The following SLC10A7 variants were observed in gnomAD, a reference collection of about 807,000 sequenced individuals.
The protein encoded by SLC10A7 is sodium/bile acid cotransporter 7.
A neutral mutation model predicts 43.2 loss-of-function variants in SLC10A7; 29 were observed. The observed-to-expected ratio is 0.67, with a 90% CI of 0.50 to 0.92. The LOEUF (loss-of-function observed/expected upper bound fraction) is 0.92. Ranked by LOEUF, SLC10A7 falls within the 40% of genes least tolerant of loss-of-function variation. The pLI is 0.00. For synonymous variants in SLC10A7, 152 were observed against 144.8 expected (o/e 1.05, Z -0.35); for missense variants, 295 against 403.2 (o/e 0.73, Z 2.30).
chr4:146,275,788 T>C (rs1729167926), intron 10 of SLC10A7, among the ~76,000 whole-genome samples: 2 of 152,118 alleles, frequency 1.3e-5, no homozygotes, highest in Non-Finnish European at 2.9e-5. Context: ...AAGTTTTTTT[T>C]TTTTTTTAAA....
chr4:146,470,925 A>C (rs528788632), intron 4 of SLC10A7, among the ~76,000 whole-genome samples: 1 of 152,344 alleles, frequency 6.6e-6, no homozygotes, highest in Admixed American at 6.5e-5. Flanking sequence ...CTTTACATAT[A>C]TCACTTCATG....
chr4:146,278,979 A>C lies in SLC10A7; in HGVS notation c.847+4213T>G, dbSNP rs543909284. On this transcript the variant is annotated intron_variant, in intron 10 of 11. Coordinates refer to ENST00000335472, the MANE Select transcript of SLC10A7 (RefSeq NM_001029998.6). ...ACCCATAATTAAGTACATATAAACA[A>C]TGTAAGAAATAGTTTCCTTGATTTG... 3.3e-5 allele frequency among the ~76,000 whole-genome samples: 5 copies of C among 152,310 alleles called. No individual in the cohort carries two copies. The South Asian group carries it at 1.0e-3, about 32-fold the overall frequency.
intron 5 of SLC10A7, among the ~76,000 whole-genome samples, chr4:146,374,339 A>T (rs1241200929): frequency 6.6e-6 from 1 of 152,094 alleles, no homozygotes; most frequent in African/African-American, 2.4e-5. Flanking sequence ...CTGTAATCCT[A>T]GCACTTTGGG....
chr4:146,441,517 T>G, intron 5 of SLC10A7: 1 of 241,854 alleles, frequency 4.1e-6, no homozygotes, highest in Non-Finnish European at 6.7e-6. Context: ...TGGTGCCAAA[T>G]CATGTACAAA....
intron 4 of SLC10A7, among the ~76,000 whole-genome samples, chr4:146,467,807 C>A (rs1257467628): frequency 6.6e-6 from 1 of 152,136 alleles, no homozygotes; most frequent in East Asian, 1.9e-4. Flanking sequence ...AGGTGATTCA[C>A]CTGCCTTGGC....
chr4:146,473,744 CA>C lies in SLC10A7; in HGVS notation c.396+30104del, dbSNP rs552421833. 9.9e-4 allele frequency among the ~76,000 whole-genome samples: 151 copies of C among 152,084 alleles called. 1 individual carries two copies. The highest frequency in any genetic ancestry group is 3.0e-3 in the African/African-American group (124 of 41,512). On this transcript the variant is annotated intron_variant, in intron 4 of 11. Coordinates refer to ENST00000335472, the MANE Select transcript of SLC10A7 (RefSeq NM_001029998.6). ...AAAAAATGAGTTTCTAGAAATCTTA[CA>C]TTTTTTTTACTGGTATTTTAATAAA...
chr4:146,262,173 T>G (rs1349476446), intron 10 of SLC10A7, among the ~76,000 whole-genome samples: 2 of 152,182 alleles, frequency 1.3e-5, no homozygotes, highest in African/African-American at 4.8e-5. Flanking sequence ...CCCCCACTTC[T>G]CCTCCCTGCA....
At chr4:146,304,557 G>C (rs891653386) in intron 7 of SLC10A7, among the ~76,000 whole-genome samples, 1 of 152,172 alleles carries the variant, frequency 6.6e-6, no homozygotes, top group East Asian at 1.9e-4. Flanking sequence ...TAGTTGAGCG[G>C]TTTAGAGTGA....
intron 4 of SLC10A7, among the ~76,000 whole-genome samples, chr4:146,444,087 T>C (rs1730830361): frequency 6.6e-6 from 1 of 152,158 alleles, no homozygotes; most frequent in East Asian, 1.9e-4. Flanking sequence ...ACTATAGCAA[T>C]ATATTTAACA....
chr4:146,438,692 T>A (rs1177944193), intron 5 of SLC10A7, among the ~76,000 whole-genome samples: 1 of 152,040 alleles, frequency 6.6e-6, no homozygotes, highest in African/African-American at 2.4e-5. Flanking sequence ...CCTGTAATTC[T>A]TAGAGACATG....
chr4:146,298,206 A>G (rs1730914652), intron 7 of SLC10A7, among the ~76,000 whole-genome samples: 2 of 152,232 alleles, frequency 1.3e-5, no homozygotes, highest in Non-Finnish European at 1.5e-5. Context: ...AATTAAATAA[A>G]TATAAAATGC....
At chr4:146,452,144 A>C (rs140486933) in intron 4 of SLC10A7, among the ~76,000 whole-genome samples, 167 of 152,254 alleles carry the variant, frequency 1.1e-3, no homozygotes, top group Middle Eastern at 3.4e-3. Flanking sequence ...TTTCCTCTAA[A>C]ATATGAGCTT....
intron 5 of SLC10A7, among the ~76,000 whole-genome samples, chr4:146,372,114 A>T (rs969955252): frequency 2.0e-5 from 3 of 151,878 alleles, no homozygotes; most frequent in Non-Finnish European, 2.9e-5. Flanking sequence ...AAACCTAGAG[A>T]CTCTTATTCA....
intron 6 of SLC10A7, among the ~76,000 whole-genome samples, chr4:146,317,638 C>T (rs531983407): frequency 3.9e-5 from 6 of 151,968 alleles, no homozygotes; most frequent in Non-Finnish European, 8.8e-5. Flanking sequence ...GGGCAAGTGT[C>T]ATCCAATCCA....
At chr4:146,287,105 A>AGTCTGGAGTGGTGAGAAGGACTGT (rs1730068255) in intron 9 of SLC10A7, among the ~76,000 whole-genome samples, 1 of 66,396 alleles carries the variant, frequency 1.5e-5, no homozygotes, top group Non-Finnish European at 3.0e-5. Flanking sequence ...AGAAGGACCG[A>AGTCTGGAGTGGTGAGAAGGACTGT]GTCTGGAGTG....
chr4:146,398,017 A>C (rs1738957931), intron 5 of SLC10A7, among the ~76,000 whole-genome samples: 1 of 152,238 alleles, frequency 6.6e-6, no homozygotes, highest in Non-Finnish European at 1.5e-5. Flanking sequence ...TAATGTCACA[A>C]GTGTCCAAAG....
Position 146,374,661 on chromosome 4 carries a change from C to CACACACAT in SLC10A7, c.436-48666_436-48665insATGTGTGT, listed in dbSNP as rs1553963528. ...ACACACACACACACACACACACACA[C>CACACACAT]ATATATATATATTTTCTGGATGTGA... On this transcript the variant is annotated intron_variant, in intron 5 of 11. Transcript: ENST00000335472. Among the ~76,000 whole-genome samples, 97 of 100,698 alleles carry CACACACAT rather than the reference C, an allele frequency of 9.6e-4. No homozygotes were observed. In the East Asian group the frequency reaches 9.9e-3, roughly 10 times the overall value. The allele number at this position is 100,698 out of a possible 152,430, so 66.1% of individuals were successfully genotyped here. A position where few individuals can be genotyped will look rare whatever the true frequency, so the allele number is the denominator to read the frequency against.
chr4:146,456,616 A>G (rs1273167012), intron 4 of SLC10A7, among the ~76,000 whole-genome samples: 2 of 151,978 alleles, frequency 1.3e-5, no homozygotes, highest in Non-Finnish European at 2.9e-5. Flanking sequence ...GATACACATT[A>G]GGCAAGGTCT....
chr4:146,368,382 T>C (rs1736543978), intron 5 of SLC10A7, among the ~76,000 whole-genome samples: 1 of 152,296 alleles, frequency 6.6e-6, no homozygotes, highest in South Asian at 2.1e-4. Context: ...AGCTTAACAG[T>C]ACAAATGTTC....
Sources: allele counts gnomAD v4.1 joint callset (sites outside exome capture counted in the v4.1 genomes callset), GRCh38; gene constraint gnomAD v4.1.1; transcripts MANE v1.5; gene names NCBI Gene and HGNC (gene_info 2026-07-23, HGNC 2026-07-21).